Variants in PTPRM observed in about 807,000 individuals in gnomAD.
PTPRM encodes protein tyrosine phosphatase receptor type M.
PTPRM carries 47 observed loss-of-function variants against 186.7 expected under a neutral mutation model. The observed-to-expected ratio is 0.25, with a 90% CI of 0.20 to 0.32. The LOEUF (loss-of-function observed/expected upper bound fraction) is 0.32. Among genes scored for constraint, PTPRM ranks in the 10% least tolerant of loss-of-function variants. The probability of loss-of-function intolerance (pLI) is 1.00; values close to 1 mark genes in which losing one functional copy is unlikely to be tolerated. For synonymous variants in PTPRM, 668 were observed against 674.9 expected (o/e 0.99, Z 0.16); for missense variants, 1,494 against 1,865.0 (o/e 0.80, Z 3.66).
intron 19 of PTPRM, among the ~76,000 whole-genome samples, chr18:8,271,441 A>G (rs1219230461): frequency 6.6e-6 from 1 of 151,930 alleles, no homozygotes; most frequent in Non-Finnish European, 1.5e-5. Context: ...TTTTTCATTC[A>G]TGTTCATAGG....
intron 14 of PTPRM, among the ~76,000 whole-genome samples, chr18:8,206,713 G>A (rs976475609): frequency 4.6e-5 from 7 of 152,128 alleles, no homozygotes; most frequent in Non-Finnish European, 7.3e-5. Context: ...TCATTAATAA[G>A]CAACAAAATG....
At chr18:8,051,535 C>G (rs1351535729) in intron 7 of PTPRM, among the ~76,000 whole-genome samples, 1 of 152,088 alleles carries the variant, frequency 6.6e-6, no homozygotes, top group Non-Finnish European at 1.5e-5. Flanking sequence ...ATAGTTTTAT[C>G]GCATACGTAT....
chr18:7,934,439 AT>A (rs2051678064), intron 5 of PTPRM, among the ~76,000 whole-genome samples: 1 of 152,186 alleles, frequency 6.6e-6, no homozygotes, highest in Admixed American at 6.5e-5. Context: ...AGCTCAGATA[AT>A]TTTAAAACTT....
chr18:7,657,304 C>T (rs757474813), intron 1 of PTPRM, among the ~76,000 whole-genome samples: 12 of 152,104 alleles, frequency 7.9e-5, no homozygotes, highest in Non-Finnish European at 1.5e-4. Flanking sequence ...GTGCTGTTGC[C>T]GTGGGCAGTC....
At position 8,021,317 on chromosome 18, in the gene PTPRM, GACACACACACACACACACAC is replaced by G. The variant is rs35335855; in HGVS notation, c.1133-48345_1133-48326del. Among the ~76,000 whole-genome samples the G allele has an allele frequency of 4.0e-3, 565 of 142,992 alleles. 4 individuals carry two copies. Among genetic ancestry groups the G allele is most frequent in the African/African-American group, 0.014 (529 of 38,344 alleles). 93.8% of individuals were successfully genotyped at this position (142,992 alleles called of 152,430 possible). A position where few individuals can be genotyped will look rare whatever the true frequency, so the allele number is the denominator to read the frequency against. On this transcript the variant is annotated intron_variant, in intron 7 of 32. Coordinates refer to ENST00000580170, the MANE Select transcript of PTPRM (RefSeq NM_001105244.2). ...GTGATTTGTGCTTAAGCATAAAAGA[GACACACACACACACACACAC>G]ACACACACACACACACACACACATA...
rs116193939 is a variant in PTPRM at position 8,230,052 on chromosome 18, G to A, written c.2301-14006G>A. ...CCCATACCCGTTTCTCACTTGGTGAGGTAGGAAGATACATATCCAAGTCCT... is the reference window on the plus strand; with the variant it reads ...CCCATACCCGTTTCTCACTTGGTGAAGTAGGAAGATACATATCCAAGTCCT... On this transcript the variant is annotated intron_variant, in intron 14 of 32. Coordinates refer to ENST00000580170, the MANE Select transcript of PTPRM (RefSeq NM_001105244.2). 4.1e-3 allele frequency among the ~76,000 whole-genome samples: 630 copies of A among 152,306 alleles called. 3 individuals carry two copies. The highest frequency in any genetic ancestry group is 0.014 in the African/African-American group (602 of 41,572).
intron 2 of PTPRM, among the ~76,000 whole-genome samples, chr18:7,873,076 A>G (rs1484008020): frequency 6.6e-6 from 1 of 152,170 alleles, no homozygotes; most frequent in Non-Finnish European, 1.5e-5. Context: ...TCATCTCCTT[A>G]TCTTGCATTC....
chr18:8,310,773 G>A (rs749552930), intron 20 of PTPRM, among the ~76,000 whole-genome samples: 13 of 152,046 alleles, frequency 8.6e-5, no homozygotes, highest in African/African-American at 2.9e-4. Flanking sequence ...CTCAAGCACC[G>A]TAAATCTAAT....
intron 1 of PTPRM, among the ~76,000 whole-genome samples, chr18:7,660,357 A>G (rs1260526872): frequency 6.6e-6 from 1 of 152,044 alleles, no homozygotes; most frequent in African/African-American, 2.4e-5. Flanking sequence ...TAATAAAATA[A>G]GTAAAGCAAG....
intron 14 of PTPRM, among the ~76,000 whole-genome samples, chr18:8,232,294 C>T (rs1025700448): frequency 2.6e-5 from 4 of 152,178 alleles, no homozygotes; most frequent in African/African-American, 9.7e-5. Flanking sequence ...TAGCTTATTC[C>T]TTTGTAACAC....
chr18:8,362,826 C>T (rs2095605002), intron 23 of PTPRM, among the ~76,000 whole-genome samples: 1 of 152,192 alleles, frequency 6.6e-6, no homozygotes, highest in Non-Finnish European at 1.5e-5. Context: ...ATATTCATAA[C>T]AACTCTCTTA....
At chr18:7,803,935 C>G (rs1294385985) in intron 2 of PTPRM, among the ~76,000 whole-genome samples, 2 of 152,000 alleles carry the variant, frequency 1.3e-5, no homozygotes, top group Admixed American at 6.5e-5. Flanking sequence ...GGCAGAAGAT[C>G]AAAAAAGCAA....
intron 7 of PTPRM, among the ~76,000 whole-genome samples, chr18:7,991,344 C>G (rs1568144942): frequency 6.6e-6 from 1 of 151,630 alleles, no homozygotes; most frequent in East Asian, 1.9e-4. Context: ...GTCAATGGAA[C>G]TATTATTATT....
At chr18:7,827,806 G>T (rs1274338871) in intron 2 of PTPRM, among the ~76,000 whole-genome samples, 6 of 152,230 alleles carry the variant, frequency 3.9e-5, no homozygotes, top group African/African-American at 1.4e-4. Context: ...GTGGACATGT[G>T]GTCCATGATT....
intron 14 of PTPRM, among the ~76,000 whole-genome samples, chr18:8,165,167 C>CA (rs59978316): frequency 0.033 from 3,375 of 103,140 alleles, 105 homozygotes; most frequent in African/African-American, 0.084. Context: ...GACTCCATCT[C>CA]AAAAAAAAAA....
intron 1 of PTPRM, among the ~76,000 whole-genome samples, chr18:7,763,395 A>G (rs1405703875): frequency 6.6e-6 from 1 of 152,196 alleles, no homozygotes; most frequent in African/African-American, 2.4e-5. Context: ...GACTAAATGT[A>G]TGATTTCTCT....
intron 14 of PTPRM, among the ~76,000 whole-genome samples, chr18:8,221,834 T>C (rs1283156328): frequency 6.6e-6 from 1 of 152,242 alleles, no homozygotes; most frequent in Non-Finnish European, 1.5e-5. Flanking sequence ...AAACAGACTG[T>C]AACCTACCAA....
At chr18:8,290,981 G>T (rs1233936111) in intron 19 of PTPRM, among the ~76,000 whole-genome samples, 1 of 152,054 alleles carries the variant, frequency 6.6e-6, no homozygotes, top group Non-Finnish European at 1.5e-5. Context: ...GCCTAAATGT[G>T]CATATTATAT....
In PTPRM at chr18:7,800,448, T is replaced by C. The variant is rs189460015; in HGVS notation, c.196+26177T>C. Among the ~76,000 whole-genome samples, 6 of 152,328 alleles carry C rather than the reference T, an allele frequency of 3.9e-5. No homozygotes were observed. The East Asian group carries it at 1.2e-3, about 29-fold the overall frequency. On this transcript the variant is annotated intron_variant, in intron 2 of 32. Transcript: ENST00000580170. ...GGGAGTGGCTGAGGGCAAGGTCAGA[T>C]GCATCAGAGAATATAGTAAATAAGT...
Sources: gnomAD v4.1 joint callset for allele counts (sites outside exome capture counted in the v4.1 genomes callset) on GRCh38, gnomAD v4.1.1 for gene constraint, MANE v1.5 for transcripts, NCBI Gene and HGNC (gene_info 2026-07-23, HGNC 2026-07-21) for gene names.